The following PPP1R9A variants were observed in gnomAD, a reference collection of about 807,000 sequenced individuals.
PPP1R9A encodes the protein protein phosphatase 1 regulatory subunit 9A, also known as neurabin-1.
Under a neutral mutation model 141.9 loss-of-function variants are expected in PPP1R9A, and 59 were observed. The observed-to-expected ratio is 0.42, with a 90% CI of 0.34 to 0.52. PPP1R9A has a LOEUF of 0.52. Among genes scored for constraint, PPP1R9A ranks in the 20% least tolerant of loss-of-function variants. PPP1R9A has a pLI of 0.10. For missense variants in PPP1R9A, 1,444 were observed against 1,611.9 expected (o/e 0.90, Z 1.78); for synonymous variants, 500 against 569.7 (o/e 0.88, Z 1.74).
At chr7:94,987,394 A>G (rs1057349805) in intron 2 of PPP1R9A, among the ~76,000 whole-genome samples, 5 of 152,236 alleles carry the variant, frequency 3.3e-5, no homozygotes, top group Non-Finnish European at 5.9e-5. Flanking sequence ...CTATATAGAT[A>G]AAGTAATACT....
At chr7:94,935,729 A>G (rs1794697913) in intron 2 of PPP1R9A, among the ~76,000 whole-genome samples, 1 of 152,230 alleles carries the variant, frequency 6.6e-6, no homozygotes, top group Non-Finnish European at 1.5e-5. Context: ...TAGGCTTATG[A>G]TAAAGTGGTT....
At chr7:95,190,610 TTGTTCTG>T (rs143702889) in intron 5 of PPP1R9A, among the ~76,000 whole-genome samples, 2,216 of 152,290 alleles carry the variant, frequency 0.015, 51 homozygotes, top group East Asian at 0.07. Flanking sequence ...TGGAACAGGA[TTGTTCTG>T]TCATGAGTTG....
chr7:95,090,819 AAG>A (rs1261203709), intron 2 of PPP1R9A, among the ~76,000 whole-genome samples: 1 of 151,982 alleles, frequency 6.6e-6, no homozygotes, highest in African/African-American at 2.4e-5. Context: ...AAAAAAGAAA[AAG>A]AAAAAAATCA....
intron 2 of PPP1R9A, among the ~76,000 whole-genome samples, chr7:94,999,698 CGT>C (rs1364206027): frequency 6.6e-6 from 1 of 152,098 alleles, no homozygotes; most frequent in East Asian, 1.9e-4. Context: ...AATTGTTGAT[CGT>C]GTGCAACTGT....
intron 2 of PPP1R9A, among the ~76,000 whole-genome samples, chr7:95,034,749 T>C (rs1584376319): frequency 6.6e-6 from 1 of 152,348 alleles, no homozygotes; most frequent in East Asian, 1.9e-4. Context: ...GTATCAATTA[T>C]TCAGAATTAT....
At chr7:95,003,853 A>G (rs146767606) in intron 2 of PPP1R9A, among the ~76,000 whole-genome samples, 4 of 152,314 alleles carry the variant, frequency 2.6e-5, no homozygotes, top group African/African-American at 4.8e-5. Flanking sequence ...ACTTTCTTTT[A>G]TCTTCATATG....
intron 7 of PPP1R9A, among the ~76,000 whole-genome samples, chr7:95,220,651 T>A (rs1794289368): frequency 6.6e-6 from 1 of 152,110 alleles, no homozygotes; most frequent in East Asian, 1.9e-4. Flanking sequence ...TGCCAAGCAA[T>A]GTACTAGCCA....
intron 2 of PPP1R9A, among the ~76,000 whole-genome samples, chr7:94,988,539 T>G (rs939021499): frequency 2.6e-5 from 4 of 152,202 alleles, no homozygotes; most frequent in African/African-American, 9.6e-5. Flanking sequence ...AAAACTAGGC[T>G]AAATAATTCC....
At chr7:95,177,847 G>C (rs755714910) in intron 5 of PPP1R9A, among the ~76,000 whole-genome samples, 10 of 151,966 alleles carry the variant, frequency 6.6e-5, no homozygotes, top group Middle Eastern at 6.8e-3. Flanking sequence ...ATATTTGGGA[G>C]CTGCACACCT....
At chr7:94,916,804 T>G (rs533745120) in intron 2 of PPP1R9A, among the ~76,000 whole-genome samples, 14 of 152,154 alleles carry the variant, frequency 9.2e-5, no homozygotes, top group African/African-American at 3.4e-4. Context: ...ACAACTTTTT[T>G]TTTGTTTGTT....
chr7:95,191,139 T>C (rs1349429870), intron 5 of PPP1R9A, among the ~76,000 whole-genome samples: 1 of 152,176 alleles, frequency 6.6e-6, no homozygotes, highest in African/African-American at 2.4e-5. Context: ...TTTGACAGCT[T>C]ACCAAATAAA....
chr7:95,252,221 G>T (rs1798976851), intron 12 of PPP1R9A, 91 bp downstream of exon 12: 1 of 1,332,744 alleles, frequency 7.5e-7, no homozygotes, highest in Admixed American at 2.8e-5. Flanking sequence ...TTTAAAAGTT[G>T]GAAATACCTT....
Position 94,910,188 on chromosome 7 carries a change from T to A in PPP1R9A, c.75T>A (p.Thr25=). 6.2e-7 allele frequency: 1 copy of A among 1,614,042 alleles called. No individual in the cohort carries two copies. Among genetic ancestry groups the A allele is most frequent in the Non-Finnish European group, 8.5e-7 (1 of 1,179,986 alleles). The change falls in exon 2 of 20, where the codon ACT becomes ACA. Residue 25 remains threonine (T), a synonymous_variant. Coordinates refer to ENST00000433360, the MANE Select transcript of PPP1R9A (RefSeq NM_001166160.2). This position sits in a 1 kb window ranked among gnomAD's most constrained non-coding sequence, Gnocchi z 4.5. ...SASPHRNAYR[T]EFQALKSTFD... ...CTCCTCACAGGAATGCATATCGAACTGAGTTTCAGGCACTGAAAAGTACCT... is the reference window on the plus strand; with the variant it reads ...CTCCTCACAGGAATGCATATCGAACAGAGTTTCAGGCACTGAAAAGTACCT...
At chr7:95,009,574 C>T (rs917282475) in intron 2 of PPP1R9A, among the ~76,000 whole-genome samples, 2 of 152,120 alleles carry the variant, frequency 1.3e-5, no homozygotes, top group Non-Finnish European at 2.9e-5. Context: ...AATCACTGGA[C>T]CCTTACAAGT....
chr7:95,137,327 A>T (rs1244079818), intron 4 of PPP1R9A, among the ~76,000 whole-genome samples: 1 of 142,304 alleles, frequency 7.0e-6, no homozygotes, highest in Non-Finnish European at 1.5e-5. Context: ...GAGTAAGAAC[A>T]TGGGGTGTTT....
intron 3 of PPP1R9A, among the ~76,000 whole-genome samples, chr7:95,112,841 A>G (rs887505115): frequency 2.6e-5 from 4 of 152,212 alleles, no homozygotes; most frequent in African/African-American, 9.6e-5. Flanking sequence ...TATTTGCTGC[A>G]TGTTCTCACT....
At chr7:95,058,589 A>G (rs1811802641) in intron 2 of PPP1R9A, among the ~76,000 whole-genome samples, 2 of 152,304 alleles carry the variant, frequency 1.3e-5, no homozygotes, top group Admixed American at 6.5e-5. Context: ...CGAGAAAGAT[A>G]TGTCATGACT....
At chr7:94,987,437 G>A (rs188550307) in intron 2 of PPP1R9A, among the ~76,000 whole-genome samples, 56 of 152,270 alleles carry the variant, frequency 3.7e-4, no homozygotes, top group African/African-American at 1.1e-3. Context: ...TAGGAGAGGA[G>A]GTATTTCTTC....
At chr7:95,007,434 G>A (rs1021923078) in intron 2 of PPP1R9A, among the ~76,000 whole-genome samples, 13 of 152,132 alleles carry the variant, frequency 8.5e-5, no homozygotes, top group East Asian at 1.9e-4. Flanking sequence ...CCTCTGGAGG[G>A]CAAAATCTGC....
Sources: allele counts gnomAD v4.1 joint callset (sites outside exome capture counted in the v4.1 genomes callset), GRCh38; gene constraint gnomAD v4.1.1; non-coding constraint Gnocchi (gnomAD v3.1); transcripts MANE v1.5; gene names NCBI Gene and HGNC (gene_info 2026-07-23, HGNC 2026-07-21).